Variants in CORO1C observed in about 807,000 individuals in gnomAD.
The protein encoded by CORO1C is coronin-1C.
In CORO1C, 14 loss-of-function variants were observed where a neutral mutation model predicts 51.2. The ratio of observed to expected loss-of-function variants is 0.27; its 90% CI spans 0.18 to 0.43. CORO1C has a LOEUF of 0.43. Ranked by LOEUF, CORO1C falls within the 20% of genes least tolerant of loss-of-function variation. The probability of loss-of-function intolerance (pLI) is 1.00; values close to 1 mark genes in which losing one functional copy is unlikely to be tolerated. For missense variants in CORO1C, 417 were observed against 607.8 expected (o/e 0.69, Z 3.30); for synonymous variants, 181 against 210.5 (o/e 0.86, Z 1.21).
At chr12:108,730,787 C>A in intron 1 of CORO1C, 1 of 153,808 alleles carries the variant, frequency 6.5e-6, no homozygotes, top group Non-Finnish European at 1.4e-5. Context: ...AGCTCCAGCT[C>A]TGCCCCGCCC....
Position 108,696,855 on chromosome 12 carries a change from C to G in CORO1C, c.195+4269G>C, listed in dbSNP as rs146455303. On this transcript the variant is annotated intron_variant, in intron 2 of 10. Transcript: ENST00000261401. ...AACCCACCTCAGGACTGAGGACTTTCTATATTCCTCCGGCAGTGACCTCTT... is the reference window on the plus strand; with the variant it reads ...AACCCACCTCAGGACTGAGGACTTTGTATATTCCTCCGGCAGTGACCTCTT... Among the ~76,000 whole-genome samples, 689 of 152,324 alleles carry G rather than the reference C, an allele frequency of 4.5e-3. 4 individuals are homozygous for G. Among genetic ancestry groups the G allele is most frequent in the Non-Finnish European group, 6.7e-3 (454 of 68,018 alleles).
Position 108,695,900 on chromosome 12 carries a change from G to T in CORO1C, c.195+5224C>A, listed in dbSNP as rs140023717. On this transcript the variant is annotated intron_variant, in intron 2 of 10. Coordinates refer to ENST00000261401, the MANE Select transcript of CORO1C (RefSeq NM_014325.4). ...ACAGTCTTTCAAATGATTTTCTGTA[G>T]AGCTAAATTCTTTCATAAAACCCTA... Among the ~76,000 whole-genome samples the T allele has an allele frequency of 2.3e-5, 3 of 132,970 alleles. No homozygotes were observed. The East Asian group carries it at 6.4e-4, about 28-fold the overall frequency. The allele number at this position is 132,970 out of a possible 152,430, so 87.2% of individuals were successfully genotyped here.
intron 1 of CORO1C, among the ~76,000 whole-genome samples, chr12:108,714,394 T>C (rs1336250562): frequency 2.6e-5 from 2 of 77,696 alleles, no homozygotes; most frequent in East Asian, 1.4e-3. Context: ...CGAGAGTCAG[T>C]CTCAAAAAAA....
intron 1 of CORO1C, among the ~76,000 whole-genome samples, chr12:108,703,775 G>GAGCCCT (rs1428992010): frequency 1.2e-5 from 1 of 85,050 alleles, no homozygotes; most frequent in Non-Finnish European, 2.2e-5. Flanking sequence ...GCCTGACTAT[G>GAGCCCT]GGCCTGGATG....
intron 2 of CORO1C, among the ~76,000 whole-genome samples, chr12:108,696,963 T>TAA (rs1183069194): frequency 6.6e-6 from 1 of 152,240 alleles, no homozygotes; most frequent in Admixed American, 6.5e-5. Context: ...CATTCATTCT[T>TAA]AAGTGTGCTG....
chr12:108,716,523 T>C (rs1437738633), intron 1 of CORO1C, among the ~76,000 whole-genome samples: 1 of 152,180 alleles, frequency 6.6e-6, no homozygotes, highest in Non-Finnish European at 1.5e-5. Context: ...ATGGATTAAA[T>C]GAACATGTAC....
intron 1 of CORO1C, chr12:108,702,652 AG>A: frequency 1.3e-6 from 1 of 772,580 alleles, no homozygotes; most frequent in East Asian, 3.0e-5. Context: ...TCATATACAG[AG>A]GAGAGCTAAC....
intron 3 of CORO1C, among the ~76,000 whole-genome samples, chr12:108,675,530 C>T (rs1385536593): frequency 6.6e-6 from 1 of 152,082 alleles, no homozygotes; most frequent in Non-Finnish European, 1.5e-5. Flanking sequence ...CTGAGGATGA[C>T]AGAGAATCAA....
At chr12:108,695,075 T>G (rs2034628600) in intron 2 of CORO1C, among the ~76,000 whole-genome samples, 1 of 152,154 alleles carries the variant, frequency 6.6e-6, no homozygotes, top group African/African-American at 2.4e-5. Context: ...CACGAGATAG[T>G]GTCAGCCAGG....
At chr12:108,696,590 C>G (rs1425890343) in intron 2 of CORO1C, among the ~76,000 whole-genome samples, 1 of 152,146 alleles carries the variant, frequency 6.6e-6, no homozygotes, top group East Asian at 1.9e-4. Context: ...GGCTGAAAAC[C>G]TGTGTGCTCT....
Position 108,648,798 on chromosome 12 carries a change from G to A in CORO1C, c.1112C>T (p.Ala371Val), listed in dbSNP as rs370047520. Residue 371 changes from alanine (A) to valine (V), a missense_variant, in exon 10 of 11, where the codon GCG (alanine) becomes GTG (valine). By Grantham distance (64) the Ala-to-Val change is moderately conservative (BLOSUM62 0). Transcript: ENST00000261401. ...LYPDTAGPEAALEAEEWFEGK... is the reference protein window; with the variant it reads ...LYPDTAGPEAVLEAEEWFEGK... Reference sequence around the variant, plus strand: ...TTCGAACCACTCTTCTGCCTCCAGCGCGGCCTCTGGCCCCGCTGTGTCAGG... The same window carrying A: ...TTCGAACCACTCTTCTGCCTCCAGCACGGCCTCTGGCCCCGCTGTGTCAGG... 44 of 1,614,072 alleles carry A rather than the reference G, an allele frequency of 2.7e-5. No homozygotes were observed. Among genetic ancestry groups the A allele is most frequent in the African/African-American group, 9.3e-5 (7 of 74,926 alleles).
At chr12:108,727,627 T>A (rs1221479729) in intron 1 of CORO1C, among the ~76,000 whole-genome samples, 14 of 152,186 alleles carry the variant, frequency 9.2e-5, no homozygotes, top group Non-Finnish European at 1.5e-5. Flanking sequence ...AATATATTAA[T>A]TCAAACCTTT....
intron 1 of CORO1C, among the ~76,000 whole-genome samples, chr12:108,717,300 G>C (rs1278982554): frequency 6.6e-6 from 1 of 152,228 alleles, no homozygotes; most frequent in Non-Finnish European, 1.5e-5. Context: ...GGTAGAAGAG[G>C]CTGCGAGGTC....
intron 2 of CORO1C, among the ~76,000 whole-genome samples, chr12:108,698,920 T>G (rs562304522): frequency 1.3e-5 from 2 of 152,312 alleles, no homozygotes; most frequent in South Asian, 4.1e-4. Context: ...AAATCTCACA[T>G]AGTACTCATG....
rs2033121073 is a variant in CORO1C at position 108,658,506 on chromosome 12, T to C, written c.630+232A>G. Among the ~76,000 whole-genome samples, 1 of 152,162 alleles carries C rather than the reference T, an allele frequency of 6.6e-6. No homozygotes were observed. ...AGTGAACTGATACAAACTATTTCTT[T>C]GTGAAAAAAGGCTACAAAGTGAGAG... is the stretch of plus-strand genomic sequence containing the variant. On this transcript the variant is annotated intron_variant, in intron 5 of 10. Coordinates refer to ENST00000261401, the MANE Select transcript of CORO1C (RefSeq NM_014325.4). This position sits in a 1 kb window ranked among gnomAD's most constrained non-coding sequence, Gnocchi z 4.9.
intron 6 of CORO1C, 122 bp from the exon 7 acceptor site, chr12:108,654,532 A>G (rs545308282): frequency 9.6e-5 from 54 of 562,260 alleles, no homozygotes; most frequent in African/African-American, 5.0e-4. Flanking sequence ...CTAGAATAAC[A>G]GAAGTTTGAA....
intron 2 of CORO1C, among the ~76,000 whole-genome samples, chr12:108,684,383 G>T (rs1387924724): frequency 6.6e-6 from 1 of 152,174 alleles, no homozygotes; most frequent in Non-Finnish European, 1.5e-5. Flanking sequence ...TTGGTAACAG[G>T]TAGAGGTGAG....
chr12:108,713,939 A>C (rs994157923), intron 1 of CORO1C, among the ~76,000 whole-genome samples: 1 of 152,216 alleles, frequency 6.6e-6, no homozygotes, highest in African/African-American at 2.4e-5. Flanking sequence ...TATAAATATG[A>C]GTAAAAATGG....
intron 2 of CORO1C, among the ~76,000 whole-genome samples, chr12:108,687,234 C>T (rs984555866): frequency 3.3e-5 from 5 of 152,122 alleles, no homozygotes; most frequent in African/African-American, 4.8e-5. Context: ...AAGGAAAGTT[C>T]AATAACTTAA....
Sources: gnomAD v4.1 joint callset for allele counts (sites outside exome capture counted in the v4.1 genomes callset) on GRCh38, gnomAD v4.1.1 for gene constraint, Gnocchi (gnomAD v3.1) non-coding constraint, MANE v1.5 for transcripts, NCBI Gene and HGNC (gene_info 2026-07-23, HGNC 2026-07-21) for gene names.